Variants in SCYL2 observed in about 807,000 individuals in gnomAD.
The protein encoded by SCYL2 is SCY1 like pseudokinase 2, also known as SCY1-like protein 2.
In SCYL2, 36 loss-of-function variants were observed where a neutral mutation model predicts 100.4. That is an observed-to-expected ratio of 0.36 (90% confidence interval 0.27 to 0.47). The LOEUF (loss-of-function observed/expected upper bound fraction) is 0.47, where lower values mean the gene tolerates loss of function less well. Among genes scored for constraint, SCYL2 ranks in the 20% least tolerant of loss-of-function variants. The pLI, the probability that SCYL2 is intolerant of heterozygous loss-of-function variation, is 1.00. For missense variants in SCYL2, 902 were observed against 1,083.9 expected (o/e 0.83, Z 2.36); for synonymous variants, 330 against 359.2 (o/e 0.92, Z 0.92).
intron 2 of SCYL2, among the ~76,000 whole-genome samples, chr12:100,285,978 G>A (rs1211126338): frequency 2.0e-5 from 3 of 151,928 alleles, no homozygotes; most frequent in East Asian, 3.9e-4. Context: ...AATGTTTACC[G>A]TATACATACA....
rs1260653546 is a variant in SCYL2 at position 100,339,493 on chromosome 12, GTGGATCT to G, written c.*325_*331del. On this transcript the variant is annotated 3_prime_UTR_variant, in exon 18 of 18. Coordinates refer to ENST00000360820, the MANE Select transcript of SCYL2 (RefSeq NM_017988.6). Reference sequence around the variant, plus strand: ...TTTAATCAAATGTTTATTTTGGCTTGTGGATCTTGGTGTTATTTAAAAAATTGAGGTG... The same window carrying G: ...TTTAATCAAATGTTTATTTTGGCTTGTGGTGTTATTTAAAAAATTGAGGTG... 23 of 275,978 alleles carry G rather than the reference GTGGATCT, an allele frequency of 8.3e-5. No homozygotes were observed. Among genetic ancestry groups the G allele is most frequent in the African/African-American group, 5.1e-4 (23 of 44,678 alleles). The allele number at this position is 275,978 out of a possible 1,614,324, so 17.1% of individuals were successfully genotyped here.
In SCYL2 at chr12:100,341,201, C is replaced by T. The variant is rs1303453679; in HGVS notation, c.*2029C>T. 5 of 152,002 alleles carry T rather than the reference C, an allele frequency of 3.3e-5. No homozygotes were observed. The highest frequency in any genetic ancestry group is 3.3e-4 in the Admixed American group (5 of 15,264). 9.4% of individuals were successfully genotyped at this position (152,002 alleles called of 1,614,324 possible). The stretch of plus-strand genomic sequence containing the variant: ...TTCTACTTCAGGTATTTTATTTCAA[C>T]CATTTCCATCAATTGAACTGTTACC... On this transcript the variant is annotated 3_prime_UTR_variant, in exon 18 of 18. Coordinates refer to ENST00000360820, the MANE Select transcript of SCYL2 (RefSeq NM_017988.6).
At chr12:100,336,801 A>G (rs1952283610) in intron 16 of SCYL2, among the ~76,000 whole-genome samples, 1 of 152,148 alleles carries the variant, frequency 6.6e-6, no homozygotes, top group South Asian at 2.1e-4. Context: ...AAAAACTTTA[A>G]GTCAGTTTGT....
intron 4 of SCYL2, among the ~76,000 whole-genome samples, chr12:100,300,479 C>T (rs927444874): frequency 6.6e-6 from 1 of 152,066 alleles, no homozygotes; most frequent in South Asian, 2.1e-4. Context: ...AAGCATTTAT[C>T]CTCTGTATTA....
chr12:100,311,300 A>T, intron 5 of SCYL2, 107 bp downstream of exon 5: 1 of 1,059,970 alleles, frequency 9.4e-7, no homozygotes, highest in Non-Finnish European at 1.3e-6. Context: ...TTAGATATAC[A>T]GCTTTATAGA....
chr12:100,333,445 A>C (rs1236839832), intron 13 of SCYL2, among the ~76,000 whole-genome samples: 1 of 152,238 alleles, frequency 6.6e-6, no homozygotes, highest in Non-Finnish European at 1.5e-5. Context: ...AAAATAGTGT[A>C]TGTATAAACA....
At chr12:100,304,205 G>A (rs2096331221) in intron 4 of SCYL2, among the ~76,000 whole-genome samples, 1 of 152,110 alleles carries the variant, frequency 6.6e-6, no homozygotes, top group Non-Finnish European at 1.5e-5. Flanking sequence ...CTTGGGGGTG[G>A]GATCTGCTGA....
At chr12:100,327,813 A>G (rs1170759981) in intron 12 of SCYL2, among the ~76,000 whole-genome samples, 1 of 151,076 alleles carries the variant, frequency 6.6e-6, no homozygotes, top group East Asian at 2.0e-4. Context: ...GTTAATTTTT[A>G]AGAAAAATTA....
intron 1 of SCYL2, among the ~76,000 whole-genome samples, chr12:100,274,495 T>C (rs866687660): frequency 6.6e-5 from 10 of 152,198 alleles, no homozygotes; most frequent in Non-Finnish European, 1.5e-4. Flanking sequence ...TGGGTTCTTG[T>C]TGTTATTAAC....
At chr12:100,270,975 GCTTGT>G (rs1397110386) in intron 1 of SCYL2, among the ~76,000 whole-genome samples, 1 of 151,620 alleles carries the variant, frequency 6.6e-6, no homozygotes, top group Non-Finnish European at 1.5e-5. Flanking sequence ...TTAAAATCAG[GCTTGT>G]CTTCTGTAAT....
At position 100,309,385 on chromosome 12, in the gene SCYL2, C is replaced by T. The variant is rs117685048; in HGVS notation, c.481-1659C>T. On this transcript the variant is annotated intron_variant, in intron 4 of 17. Transcript: ENST00000360820. ...AAACAGTATCTCCTTATTCCTCCAA[C>T]TCCTCCTCCCTTCCTGCCCCTGGCA... Among the ~76,000 whole-genome samples, 101 of 152,244 alleles carry T rather than the reference C, an allele frequency of 6.6e-4. 1 individual carries two copies. In the East Asian group the frequency reaches 0.017, roughly 26 times the overall value.
At chr12:100,284,460 A>G (rs182913558) in intron 2 of SCYL2, among the ~76,000 whole-genome samples, 158 of 152,266 alleles carry the variant, frequency 1.0e-3, no homozygotes, top group African/African-American at 3.2e-3. Flanking sequence ...TTCAACTTGC[A>G]AGGGTCAGAA....
chr12:100,317,742 G>T (rs1393452097), intron 9 of SCYL2, 61 bp from the exon 10 acceptor site: 6 of 1,514,206 alleles, frequency 4.0e-6, no homozygotes, highest in Non-Finnish European at 4.4e-6. Context: ...TTTACATTTG[G>T]CATATATTGA....
chr12:100,328,746 A>G (rs1952170361), intron 12 of SCYL2, among the ~76,000 whole-genome samples: 1 of 152,236 alleles, frequency 6.6e-6, no homozygotes, highest in Non-Finnish European at 1.5e-5. Context: ...TTAAATTTCA[A>G]ACATGTTGAG....
chr12:100,309,244 A>G (rs2096338883), intron 4 of SCYL2, among the ~76,000 whole-genome samples: 2 of 152,142 alleles, frequency 1.3e-5, no homozygotes, highest in South Asian at 2.1e-4. Context: ...CATCTTAACC[A>G]TTTTTAAGTG....
At chr12:100,305,121 C>G (rs1424912204) in intron 4 of SCYL2, among the ~76,000 whole-genome samples, 1 of 152,200 alleles carries the variant, frequency 6.6e-6, no homozygotes, top group Non-Finnish European at 1.5e-5. Flanking sequence ...CAAGGATATT[C>G]AGGACTTGAA....
At chr12:100,303,583 C>T (rs1303506903) in intron 4 of SCYL2, among the ~76,000 whole-genome samples, 2 of 152,216 alleles carry the variant, frequency 1.3e-5, no homozygotes, top group Non-Finnish European at 2.9e-5. Flanking sequence ...GTATCACCAG[C>T]GGACGCTGCA....
chr12:100,334,866 T>C (rs1323931537), intron 14 of SCYL2, among the ~76,000 whole-genome samples: 1 of 152,010 alleles, frequency 6.6e-6, no homozygotes, highest in Non-Finnish European at 1.5e-5. Context: ...AACACATGAA[T>C]CTAGGATACC....
intron 11 of SCYL2, among the ~76,000 whole-genome samples, chr12:100,324,130 A>G (rs1197744611): frequency 2.0e-5 from 3 of 152,142 alleles, no homozygotes; most frequent in African/African-American, 4.8e-5. Context: ...TAGTTGTGCT[A>G]AAAAATGTAG....
Sources: gnomAD v4.1 joint callset for allele counts (sites outside exome capture counted in the v4.1 genomes callset) on GRCh38, gnomAD v4.1.1 for gene constraint, MANE v1.5 for transcripts, NCBI Gene and HGNC (gene_info 2026-07-23, HGNC 2026-07-21) for gene names.